IL1F10: variants seen among roughly 807,000 people sequenced by gnomAD.
The protein encoded by IL1F10 is interleukin 1 family member 10, also known as interleukin-1 family member 10.
In IL1F10, 13 loss-of-function variants were observed where a neutral mutation model predicts 13.1. That is an observed-to-expected ratio of 0.99 (90% CI 0.64 to 1.57). The LOEUF is 1.57. IL1F10 is among the 40% of genes most tolerant of loss of function. The pLI, the probability that IL1F10 is intolerant of heterozygous loss-of-function variation, is 0.00. For missense variants in IL1F10, 191 were observed against 184.1 expected, an observed-to-expected ratio of 1.04 and a Z score of -0.22; for synonymous variants, 78 against 68.2, an observed-to-expected ratio of 1.14 and a Z score of -0.71.
At chr2:113,068,996 A>G (rs1340266861) in intron 1 of IL1F10, among the ~76,000 whole-genome samples, 2 of 152,212 alleles carry the variant, frequency 1.3e-5, no homozygotes, top group Non-Finnish European at 2.9e-5. Flanking sequence ...TCTAAGCTGT[A>G]ACTCTACACT....
Position 113,075,398 on chromosome 2 carries a change from C to G in IL1F10, c.*34C>G, listed in dbSNP as rs1357726837. ...GAAACTGCGTTTTAGCCTTGTGCCC[C>G]CAAACCAAGCTCATCCTGCTCAGGG... is the stretch of plus-strand genomic sequence containing the variant. On this transcript the variant is annotated 3_prime_UTR_variant, in exon 5 of 5. Coordinates refer to ENST00000341010, the MANE Select transcript of IL1F10 (RefSeq NM_173161.3). 1 of 1,480,362 alleles carries G rather than the reference C, an allele frequency of 6.8e-7. No individual in the cohort carries two copies. Among genetic ancestry groups the G allele is most frequent in the South Asian group, 1.3e-5 (1 of 76,010 alleles). The allele number at this position is 1,480,362 out of a possible 1,614,324, so 91.7% of individuals were successfully genotyped here.
At chr2:113,070,123 G>A (rs1444459206) in intron 1 of IL1F10, among the ~76,000 whole-genome samples, 1 of 152,140 alleles carries the variant, frequency 6.6e-6, no homozygotes, top group Non-Finnish European at 1.5e-5. Flanking sequence ...GAAGAAAAGA[G>A]GGATATAGAC....
At chr2:113,071,312 C>A (rs1685830780) in intron 1 of IL1F10, among the ~76,000 whole-genome samples, 1 of 152,160 alleles carries the variant, frequency 6.6e-6, no homozygotes, top group Admixed American at 6.5e-5. Context: ...GCTATAATTT[C>A]TTAGCCAATT....
intron 1 of IL1F10, among the ~76,000 whole-genome samples, chr2:113,069,870 G>A (rs1054213837): frequency 2.1e-4 from 32 of 152,294 alleles, no homozygotes; most frequent in South Asian, 2.1e-4. Context: ...GTTCCAAGGA[G>A]GCAATGACTA....
At chr2:113,072,811 G>A (rs371707309) in intron 2 of IL1F10, 41 bp downstream of exon 2, 5 of 1,577,716 alleles carry the variant, frequency 3.2e-6, no homozygotes, top group Admixed American at 3.4e-5. Context: ...AAGCCAGGGG[G>A]TCAGGGTGGG....
At chr2:113,072,632 G>T in intron 1 of IL1F10, 79 bp from the exon 2 acceptor site, 1 of 941,864 alleles carries the variant, frequency 1.1e-6, no homozygotes, top group Non-Finnish European at 1.7e-6. Flanking sequence ...CCTTGGCTGA[G>T]TGGTTCTAAG....
At position 113,075,419 on chromosome 2, in the gene IL1F10, C is replaced by T; in HGVS notation, c.*55C>T. 1.5e-6 allele frequency: 2 copies of T among 1,329,738 alleles called. No homozygotes were observed. The highest frequency in any genetic ancestry group is 2.1e-6 in the Non-Finnish European group (2 of 959,602). The allele number at this position is 1,329,738 out of a possible 1,614,324, so 82.4% of individuals were successfully genotyped here. ...GCCCCCAAACCAAGCTCATCCTGCT[C>T]AGGGTCTATGGTAGGCAGAATAATG... On this transcript the variant is annotated 3_prime_UTR_variant, in exon 5 of 5. Coordinates refer to ENST00000341010, the MANE Select transcript of IL1F10 (RefSeq NM_173161.3).
chr2:113,071,898 T>C (rs1363774357), intron 1 of IL1F10, among the ~76,000 whole-genome samples: 1 of 152,214 alleles, frequency 6.6e-6, no homozygotes, highest in Non-Finnish European at 1.5e-5. Flanking sequence ...TTGCGTTACT[T>C]TCCTGAGCTA....
At chr2:113,074,528 G>A (rs1288277469) in intron 3 of IL1F10, 114 bp downstream of exon 3, 2 of 1,080,854 alleles carry the variant, frequency 1.9e-6, no homozygotes, top group African/African-American at 1.5e-5. Context: ...AGTGAGAAGG[G>A]CCAGAGAGCA....
chr2:113,070,317 C>T (rs1383682306), intron 1 of IL1F10, among the ~76,000 whole-genome samples: 2 of 152,246 alleles, frequency 1.3e-5, no homozygotes, highest in Middle Eastern at 3.4e-3. Flanking sequence ...AGAACCCAGG[C>T]GGAGGGAGCC....
chr2:113,072,391 T>A, intron 1 of IL1F10: 1 of 233,570 alleles, frequency 4.3e-6, no homozygotes, highest in Non-Finnish European at 8.4e-6. Flanking sequence ...CACCCCACTC[T>A]CAGGGCTGGG....
At chr2:113,074,295 G>A (rs1292950953) in intron 2 of IL1F10, 34 bp from the exon 3 acceptor site, 1 of 1,383,260 alleles carries the variant, frequency 7.2e-7, no homozygotes, top group African/African-American at 1.4e-5. Context: ...GTGCATAAAG[G>A]GAATGGGCCA....
intron 4 of IL1F10, 79 bp downstream of exon 4, chr2:113,074,929 T>A: frequency 6.5e-7 from 1 of 1,537,182 alleles, no homozygotes; most frequent in African/African-American, 1.4e-5. Flanking sequence ...TTTGTGCCTA[T>A]CTGTGGATTC....
chr2:113,068,048 C>T (rs1397913110), intron 1 of IL1F10, 32 bp downstream of exon 1: 1 of 152,218 alleles, frequency 6.6e-6, no homozygotes, highest in East Asian at 1.9e-4. Flanking sequence ...TTCTCTCTCT[C>T]TTTTCTTTCT....
At position 113,074,734 on chromosome 2, in the gene IL1F10, AT is replaced by A. The variant is rs1245089058; in HGVS notation, c.131del (p.Ile44AsnfsTer41). On this transcript the variant is annotated frameshift_variant, in exon 4 of 5. Transcript: ENST00000341010. LOFTEE classifies it high-confidence loss of function. Reference protein sequence around the residue: ...ADNCCAEKICILPNRGLARTK... With the variant: ...ADNCCAEKICXLPNRGLARTK... ...CTCTTCCCTCCTAGAGAAGATCTGC[AT>A]ACTTCCTAACAGAGGCTTGGCCCGC... 1 of 1,613,570 alleles carries A rather than the reference AT, an allele frequency of 6.2e-7. No homozygotes were observed. The highest frequency in any genetic ancestry group is 1.1e-5 in the South Asian group (1 of 91,064).
At chr2:113,073,951 A>T (rs1362074134) in intron 2 of IL1F10, among the ~76,000 whole-genome samples, 1 of 152,256 alleles carries the variant, frequency 6.6e-6, no homozygotes, top group Non-Finnish European at 1.5e-5. Context: ...GGGCAGGCCC[A>T]AAAAATTTAA....
intron 1 of IL1F10, among the ~76,000 whole-genome samples, chr2:113,068,730 T>C (rs999012139): frequency 6.6e-6 from 1 of 152,208 alleles, no homozygotes; most frequent in Non-Finnish European, 1.5e-5. Flanking sequence ...CTGTAAGCCA[T>C]GCTTCATGAC....
Position 113,075,344 on chromosome 2 carries a change from T to C in IL1F10, c.439T>C (p.Tyr147His). Residue 147 changes from tyrosine (Y) to histidine (H), a missense_variant, in exon 5 of 5, where the codon TAC becomes CAC. By Grantham distance (83) the Tyr-to-His change is moderately conservative. Coordinates refer to ENST00000341010, the MANE Select transcript of IL1F10 (RefSeq NM_173161.3). The stretch of plus-strand genomic sequence containing the variant: ...TGAGCCCTCAGCCCGTACCAAGTTT[T>C]ACTTTGAACAGAGCTGGTAGGGAGA... ...ESEPSARTKF[Y>H]FEQSW 1 of 1,586,378 alleles carries C rather than the reference T, an allele frequency of 6.3e-7. No individual in the cohort carries two copies. The highest frequency in any genetic ancestry group is 1.3e-5 in the African/African-American group (1 of 74,330).
rs577296105 is a variant in IL1F10 at position 113,071,230 on chromosome 2, T to A, written c.-28-1481T>A. On this transcript the variant is annotated intron_variant, in intron 1 of 4. Transcript: ENST00000341010. Reference sequence around the variant, plus strand: ...TTTTTCACCTAATATATTTTGAAAATTTTTATGTCCTAAAACAAGCTTCTA... The same window carrying A: ...TTTTTCACCTAATATATTTTGAAAAATTTTATGTCCTAAAACAAGCTTCTA... Among the ~76,000 whole-genome samples, 108 of 152,348 alleles carry A rather than the reference T, an allele frequency of 7.1e-4. 1 individual carries two copies. The highest frequency in any genetic ancestry group is 1.3e-3 in the Non-Finnish European group (90 of 68,032).
Sources: gnomAD v4.1 joint callset for allele counts (sites outside exome capture counted in the v4.1 genomes callset) on GRCh38, gnomAD v4.1.1 for gene constraint, MANE v1.5 for transcripts, NCBI Gene and HGNC (gene_info 2026-07-23, HGNC 2026-07-21) for gene names.